ST6GALNAC3: variants seen among roughly 807,000 people sequenced by gnomAD.
The protein encoded by ST6GALNAC3 is alpha-N-acetylgalactosaminide alpha-2,6-sialyltransferase 3.
Under a neutral mutation model 32.7 loss-of-function variants are expected in ST6GALNAC3, and 25 were observed. The ratio of observed to expected loss-of-function variants is 0.76; its 90% CI spans 0.56 to 1.07. The LOEUF (loss-of-function observed/expected upper bound fraction) is 1.07. Ranked by LOEUF, ST6GALNAC3 falls within the 50% of genes least tolerant of loss-of-function variation. The pLI, the probability that ST6GALNAC3 is intolerant of heterozygous loss-of-function variation, is 0.00. For missense variants in ST6GALNAC3, 355 were observed against 382.4 expected (o/e 0.93, Z 0.60); for synonymous variants, 129 against 133.1 (o/e 0.97, Z 0.21).
intron 1 of ST6GALNAC3, among the ~76,000 whole-genome samples, chr1:76,123,907 G>A (rs906448575): frequency 4.0e-5 from 6 of 151,592 alleles, no homozygotes; most frequent in Admixed American, 6.6e-5. Flanking sequence ...ATACCATGAC[G>A]CCTGGCTAAT....
chr1:76,587,376 G>T (rs1646977693), intron 3 of ST6GALNAC3, among the ~76,000 whole-genome samples: 1 of 152,158 alleles, frequency 6.6e-6, no homozygotes, highest in Admixed American at 6.5e-5. Flanking sequence ...TGCTCGATCA[G>T]TTCTCCTCAG....
At chr1:76,529,170 G>A (rs1409202973) in intron 3 of ST6GALNAC3, among the ~76,000 whole-genome samples, 1 of 152,024 alleles carries the variant, frequency 6.6e-6, no homozygotes, top group African/African-American at 2.4e-5. Flanking sequence ...TTCATGTGTT[G>A]AAGACAAACC....
intron 3 of ST6GALNAC3, among the ~76,000 whole-genome samples, chr1:76,576,084 GGGAACA>G (rs1267239846): frequency 5.3e-5 from 8 of 152,136 alleles, no homozygotes; most frequent in Non-Finnish European, 1.2e-4. Context: ...TCTCTAAACA[GGGAACA>G]GGTGGCCAGT....
At chr1:76,297,403 G>A (rs1660467270) in intron 1 of ST6GALNAC3, among the ~76,000 whole-genome samples, 1 of 151,890 alleles carries the variant, frequency 6.6e-6, no homozygotes, top group Admixed American at 6.6e-5. Context: ...CCAGGGGTAT[G>A]TTGTCCTTTT....
At chr1:76,079,818 C>G (rs1194031927) in intron 1 of ST6GALNAC3, among the ~76,000 whole-genome samples, 1 of 152,208 alleles carries the variant, frequency 6.6e-6, no homozygotes, top group African/African-American at 2.4e-5. Flanking sequence ...CATCCTTACT[C>G]CCCCTGCCTT....
chr1:76,541,601 G>T (rs1663996296), intron 3 of ST6GALNAC3, among the ~76,000 whole-genome samples: 1 of 152,200 alleles, frequency 6.6e-6, no homozygotes, highest in African/African-American at 2.4e-5. Context: ...AGACACTGTG[G>T]CTTTCAAGGG....
intron 3 of ST6GALNAC3, among the ~76,000 whole-genome samples, chr1:76,466,314 G>A (rs1356754230): frequency 1.3e-5 from 2 of 152,010 alleles, no homozygotes; most frequent in African/African-American, 4.8e-5. Flanking sequence ...GCTCTTGAGT[G>A]AACCATTTTA....
At chr1:76,344,693 T>C (rs954467857) in intron 2 of ST6GALNAC3, among the ~76,000 whole-genome samples, 5 of 152,224 alleles carry the variant, frequency 3.3e-5, no homozygotes, top group African/African-American at 1.2e-4. Context: ...TGGAAGAATA[T>C]GCTATACTTT....
rs549540743 is a variant in ST6GALNAC3 at position 76,096,587 on chromosome 1, T to C, written c.18+21703T>C. 5.3e-5 allele frequency among the ~76,000 whole-genome samples: 8 copies of C among 150,438 alleles called. No homozygotes were observed. The South Asian group carries it at 1.7e-3, about 31-fold the overall frequency. On this transcript the variant is annotated intron_variant, in intron 1 of 4. Coordinates refer to ENST00000328299, the MANE Select transcript of ST6GALNAC3 (RefSeq NM_152996.4). Reference sequence around the variant, plus strand: ...ATATTTTATATTTATAAATTTTATTTATAAAATATCTTTATTTTATAAATA... The same window carrying C: ...ATATTTTATATTTATAAATTTTATTCATAAAATATCTTTATTTTATAAATA...
chr1:76,289,391 G>A (rs9437129), intron 1 of ST6GALNAC3, among the ~76,000 whole-genome samples: 19,201 of 152,188 alleles, frequency 0.13, 1,801 homozygotes, highest in East Asian at 0.28. Context: ...ACTTCTCTGT[G>A]CTTCCGATTA....
chr1:76,081,330 A>G (rs997463644), intron 1 of ST6GALNAC3, among the ~76,000 whole-genome samples: 2 of 151,944 alleles, frequency 1.3e-5, no homozygotes, highest in African/African-American at 4.8e-5. Context: ...AAATCTCATA[A>G]TGTTTTAAGA....
At chr1:76,489,787 A>T (rs1008386709) in intron 3 of ST6GALNAC3, among the ~76,000 whole-genome samples, 2 of 152,124 alleles carry the variant, frequency 1.3e-5, no homozygotes, top group East Asian at 3.9e-4. Context: ...GTGGGAGGGA[A>T]GAAAAGTGGA....
chr1:76,261,765 C>T (rs559537810), intron 1 of ST6GALNAC3, among the ~76,000 whole-genome samples: 1 of 152,154 alleles, frequency 6.6e-6, no homozygotes, highest in Non-Finnish European at 1.5e-5. Context: ...TCTCTGAGGG[C>T]CCTAACTCCC....
intron 3 of ST6GALNAC3, among the ~76,000 whole-genome samples, chr1:76,443,855 T>C (rs112697676): frequency 1.3e-5 from 2 of 152,366 alleles, no homozygotes; most frequent in African/African-American, 4.8e-5. Flanking sequence ...GTGAGAATTG[T>C]ACTTCACATA....
chr1:76,312,320 C>T (rs1463962341), intron 1 of ST6GALNAC3, among the ~76,000 whole-genome samples: 1 of 151,968 alleles, frequency 6.6e-6, no homozygotes, highest in Non-Finnish European at 1.5e-5. Context: ...CCATAAAAAC[C>T]CTAGAAGAAA....
chr1:76,173,434 TCATGACTA>T (rs1277080872), intron 1 of ST6GALNAC3, among the ~76,000 whole-genome samples: 2 of 152,212 alleles, frequency 1.3e-5, no homozygotes, highest in African/African-American at 2.4e-5. Flanking sequence ...GGCAAAGACT[TCATGACTA>T]AAATGCCAAA....
At chr1:76,521,059 C>T (rs190287851) in intron 3 of ST6GALNAC3, among the ~76,000 whole-genome samples, 105 of 151,896 alleles carry the variant, frequency 6.9e-4, no homozygotes, top group Admixed American at 1.1e-3. Context: ...ATTATTTTTA[C>T]ATTTTAAACA....
At chr1:76,424,104 T>C (rs1054156043) in intron 3 of ST6GALNAC3, among the ~76,000 whole-genome samples, 3 of 152,030 alleles carry the variant, frequency 2.0e-5, no homozygotes, top group African/African-American at 7.2e-5. Context: ...CTTCTAGTCT[T>C]AACCTGTGAG....
rs1213073027 is a variant in ST6GALNAC3, at chr1:76,480,178, G to C, written c.623+67761G>C. ...CTTAAAGGATTTGCTTTTTATTATA[G>C]TGCAAATTAATATTCAACTACTGAA... On this transcript the variant is annotated intron_variant, in intron 3 of 4. Transcript: ENST00000328299. Among the ~76,000 whole-genome samples the C allele has an allele frequency of 2.0e-5, 3 of 152,136 alleles. No homozygotes were observed. The South Asian group carries it at 6.2e-4, about 31-fold the overall frequency.
Sources: allele counts gnomAD v4.1 joint callset (sites outside exome capture counted in the v4.1 genomes callset), GRCh38; gene constraint gnomAD v4.1.1; transcripts MANE v1.5; gene names NCBI Gene and HGNC (gene_info 2026-07-23, HGNC 2026-07-21).